SEL1L3: variants seen among roughly 807,000 people sequenced by gnomAD.
SEL1L3 encodes protein sel-1 homolog 3.
In SEL1L3, 76 loss-of-function variants were observed where a neutral mutation model predicts 142.8. The observed-to-expected ratio is 0.53, with a 90% CI of 0.44 to 0.64. The LOEUF is 0.64. SEL1L3 is among the 30% of genes least tolerant of loss of function. The pLI is 0.00. For synonymous variants in SEL1L3, 504 were observed against 519.6 expected (o/e 0.97, Z 0.41); for missense variants, 1,262 against 1,381.7 (o/e 0.91, Z 1.37).
At chr4:25,757,461 A>G in intron 23 of SEL1L3, 73 bp downstream of exon 23, 1 of 582,430 alleles carries the variant, frequency 1.7e-6, no homozygotes, top group Non-Finnish European at 2.4e-6. Flanking sequence ...GTAGACCAAA[A>G]AAAAAAAAAA....
intron 23 of SEL1L3, among the ~76,000 whole-genome samples, chr4:25,754,614 T>A (rs549478624): frequency 1.3e-5 from 2 of 152,192 alleles, no homozygotes; most frequent in African/African-American, 4.8e-5. Context: ...TCTTTTTTTT[T>A]ATACTTTTCG....
intron 17 of SEL1L3, chr4:25,770,235 G>A (rs556709079): frequency 2.8e-4 from 42 of 152,314 alleles, no homozygotes; most frequent in African/African-American, 9.6e-4. Context: ...ACAATGATAA[G>A]CTTTATAAAG....
chr4:25,783,845 T>C (rs191076519), intron 14 of SEL1L3, among the ~76,000 whole-genome samples: 1 of 152,290 alleles, frequency 6.6e-6, no homozygotes, highest in African/African-American at 2.4e-5. Flanking sequence ...GAGTTAACCT[T>C]CAAAGGAGTT....
chr4:25,754,008 A>AATAAAT (rs1427390923), intron 23 of SEL1L3, among the ~76,000 whole-genome samples: 1 of 150,392 alleles, frequency 6.6e-6, no homozygotes, highest in African/African-American at 2.5e-5. Flanking sequence ...TAAATAAATA[A>AATAAAT]ATAAATAAAT....
At chr4:25,817,758 A>T (rs1577651714) in intron 9 of SEL1L3, among the ~76,000 whole-genome samples, 4 of 151,868 alleles carry the variant, frequency 2.6e-5, no homozygotes, top group African/African-American at 4.8e-5. Context: ...CTTTTTTTTT[A>T]AAAAGCTAGA....
chr4:25,769,471 C>CTGG (rs1346231844), intron 17 of SEL1L3, among the ~76,000 whole-genome samples: 1 of 152,176 alleles, frequency 6.6e-6, no homozygotes, highest in Non-Finnish European at 1.5e-5. Flanking sequence ...GATAACAAGC[C>CTGG]TCCAAGTGCA....
the SEL1L3 span, among the ~76,000 whole-genome samples, chr4:25,721,988 A>C: frequency 5.3e-5 from 8 of 152,206 alleles, no homozygotes; most frequent in Non-Finnish European, 1.2e-4. Context: ...GGGTCTGCGA[A>C]TTAAAGTAAC....
At chr4:25,773,681 C>T (rs1719397522) in intron 17 of SEL1L3, 1 of 152,180 alleles carries the variant, frequency 6.6e-6, no homozygotes, top group Non-Finnish European at 1.5e-5. Context: ...AAATAAAAAA[C>T]TATTGATGGC....
At chr4:25,765,581 G>C (rs1188253425) in intron 19 of SEL1L3, 146 bp from the exon 20 acceptor site, 1 of 606,570 alleles carries the variant, frequency 1.6e-6, no homozygotes, top group Non-Finnish European at 2.9e-6. Context: ...TGTGTCAAGA[G>C]AGAAACAAGC....
chr4:25,718,859 A>T, the SEL1L3 span: 37 of 152,186 alleles, frequency 2.4e-4, no homozygotes, highest in African/African-American at 8.4e-4. Flanking sequence ...TTGGATCAGG[A>T]GGTTAATAGC....
chr4:25,715,994 G>A, the SEL1L3 span, among the ~76,000 whole-genome samples: 1 of 152,072 alleles, frequency 6.6e-6, no homozygotes, highest in Non-Finnish European at 1.5e-5. Flanking sequence ...TAAGCTATGT[G>A]CTGTATGCAT....
chr4:25,828,292 GA>G (rs1314222698), intron 6 of SEL1L3, among the ~76,000 whole-genome samples: 4 of 151,208 alleles, frequency 2.6e-5, no homozygotes, highest in African/African-American at 9.8e-5. Context: ...GTGAAAACAG[GA>G]ATTTTTTTTT....
At chr4:25,716,908 C>T in the SEL1L3 span, among the ~76,000 whole-genome samples, 12 of 152,288 alleles carry the variant, frequency 7.9e-5, no homozygotes, top group Admixed American at 2.6e-4. Flanking sequence ...AGATGGATCT[C>T]TTGAGCCCAG....
intron 6 of SEL1L3, among the ~76,000 whole-genome samples, chr4:25,822,395 C>G (rs13131612): frequency 0.32 from 49,352 of 152,020 alleles, 8,336 homozygotes; most frequent in Middle Eastern, 0.41. Context: ...TCTCCACTTA[C>G]TGGATGGTTA....
chr4:25,819,343 A>G (rs1714604300), intron 8 of SEL1L3, among the ~76,000 whole-genome samples: 1 of 152,262 alleles, frequency 6.6e-6, no homozygotes, highest in African/African-American at 2.4e-5. Context: ...GGATTTAAAA[A>G]ATAAAACCAA....
At chr4:25,839,517 G>A (rs1035518966) in intron 2 of SEL1L3, among the ~76,000 whole-genome samples, 5 of 152,194 alleles carry the variant, frequency 3.3e-5, no homozygotes, top group African/African-American at 1.2e-4. Flanking sequence ...GAATGAGGTC[G>A]GCAGCATGTC....
intron 8 of SEL1L3, among the ~76,000 whole-genome samples, chr4:25,819,075 C>T (rs1413706955): frequency 6.6e-6 from 1 of 152,220 alleles, no homozygotes; most frequent in African/African-American, 2.4e-5. Context: ...AGGAATTTCT[C>T]TTCCAGAAGG....
In SEL1L3 at chr4:25,748,322, A is replaced by G; in HGVS notation, c.*103T>C. Reference sequence around the variant, plus strand: ...ATTGCAAAATTTGCATCCAGTTGACAAGACATTTAAGGTGTTTATCAGGAT... The same window carrying G: ...ATTGCAAAATTTGCATCCAGTTGACGAGACATTTAAGGTGTTTATCAGGAT... On this transcript the variant is annotated 3_prime_UTR_variant, in exon 24 of 24. Transcript: ENST00000399878. 2 of 1,234,316 alleles carry G rather than the reference A, an allele frequency of 1.6e-6. No homozygotes were observed. Among genetic ancestry groups the G allele is most frequent in the Non-Finnish European group, 2.2e-6 (2 of 903,250 alleles). 76.5% of individuals were successfully genotyped at this position (1,234,316 alleles called of 1,614,324 possible).
chr4:25,717,750 A>T, the SEL1L3 span, among the ~76,000 whole-genome samples: 2 of 152,222 alleles, frequency 1.3e-5, no homozygotes, highest in Middle Eastern at 3.2e-3. Flanking sequence ...TTTCAGTTCT[A>T]CCATTTGTAA....
Sources: gnomAD v4.1 joint callset for allele counts (sites outside exome capture counted in the v4.1 genomes callset) on GRCh38, gnomAD v4.1.1 for gene constraint, MANE v1.5 for transcripts, NCBI Gene and HGNC (gene_info 2026-07-23, HGNC 2026-07-21) for gene names.